Variants in REXO1 observed in about 807,000 individuals in gnomAD.
The protein encoded by REXO1 is REX1, RNA exonuclease 1 homolog.
Under a neutral mutation model 102.6 loss-of-function variants are expected in REXO1, and 42 were observed. The ratio of observed to expected loss-of-function variants is 0.41; its 90% confidence interval spans 0.32 to 0.53. The LOEUF (loss-of-function observed/expected upper bound fraction) is 0.53. REXO1 is among the 20% of genes least tolerant of loss of function. The pLI, the probability that REXO1 is intolerant of heterozygous loss-of-function variation, is 0.27. For synonymous variants in REXO1, 908 were observed against 779.1 expected (o/e 1.17, Z -2.76); for missense variants, 1,819 against 1,732.5 (o/e 1.05, Z -0.89).
chr19:1,844,640 A>G (rs1468122133), intron 1 of REXO1, among the ~76,000 whole-genome samples: 3 of 152,112 alleles, frequency 2.0e-5, no homozygotes, highest in Admixed American at 2.0e-4. Flanking sequence ...AGTCGCCTGG[A>G]GCCCCAGCTG....
intron 1 of REXO1, among the ~76,000 whole-genome samples, chr19:1,830,290 T>G (rs1181234052): frequency 6.6e-6 from 1 of 152,174 alleles, no homozygotes; most frequent in Non-Finnish European, 1.5e-5. Flanking sequence ...GGGAGGATAC[T>G]GCTTGAGCTC....
At position 1,815,872 on chromosome 19, in the gene REXO1, G is replaced by T; in HGVS notation, c.*194C>A. On this transcript the variant is annotated 3_prime_UTR_variant, in exon 16 of 16. Coordinates refer to ENST00000170168, the MANE Select transcript of REXO1 (RefSeq NM_020695.4). The surrounding 1 kb of genome is among the most constrained non-coding windows in gnomAD (Gnocchi z 4.0). ...GGCTGGGGGGCAGAGGGTGGGGACCGGCGGAGGGGTGCGGCAGGACGTGAG... is the reference window on the plus strand; with the variant it reads ...GGCTGGGGGGCAGAGGGTGGGGACCTGCGGAGGGGTGCGGCAGGACGTGAG... 2 of 1,524,784 alleles carry T rather than the reference G, an allele frequency of 1.3e-6. No homozygotes were observed. The highest frequency in any genetic ancestry group is 1.8e-6 in the Non-Finnish European group (2 of 1,139,534). The allele number at this position is 1,524,784 out of a possible 1,614,324, so 94.5% of individuals were successfully genotyped here.
chr19:1,821,432 G>A lies in REXO1; in HGVS notation c.2394+87C>T, dbSNP rs149035792. The stretch of plus-strand genomic sequence containing the variant: ...GCACGAAGGCCCGCAGGGCAGGGGC[G>A]AGGCTGGCCCTCCGCAGGTCCCATG... On this transcript the variant is annotated intron_variant, in intron 5 of 15. Coordinates refer to ENST00000170168, the MANE Select transcript of REXO1 (RefSeq NM_020695.4). 8.7e-3 allele frequency: 13,197 copies of A among 1,522,576 alleles called. 110 individuals are homozygous for A. Among genetic ancestry groups the A allele is most frequent in the Middle Eastern group, 0.029 (166 of 5,740 alleles). The allele number at this position is 1,522,576 out of a possible 1,614,324, so 94.3% of individuals were successfully genotyped here.
At chr19:1,824,780 C>A (rs1434657546) in intron 3 of REXO1, among the ~76,000 whole-genome samples, 2 of 95,006 alleles carry the variant, frequency 2.1e-5, no homozygotes, top group Admixed American at 2.3e-4. Context: ...GAATGGATAA[C>A]TCATTTTATG....
intron 4 of REXO1, chr19:1,822,302 G>A (rs2069570038): frequency 6.0e-6 from 1 of 167,230 alleles, no homozygotes; most frequent in Non-Finnish European, 1.3e-5. Flanking sequence ...TCTGGCCCTG[G>A]AAGGTGCAAG....
rs547960870 is a variant in REXO1 at position 1,838,239 on chromosome 19, C to T, written c.158-9608G>A. On this transcript the variant is annotated intron_variant, in intron 1 of 15. Transcript: ENST00000170168. Reference sequence around the variant, plus strand: ...GGCTGAGGCAGGAGAATTGCTTGAACCCGGAAGGTGGAGTCTGCAGTGAGC... The same window carrying T: ...GGCTGAGGCAGGAGAATTGCTTGAATCCGGAAGGTGGAGTCTGCAGTGAGC... Among the ~76,000 whole-genome samples the T allele has an allele frequency of 4.6e-5, 7 of 151,722 alleles. No homozygotes were observed. The South Asian group carries it at 1.0e-3, about 23-fold the overall frequency.
Position 1,823,646 on chromosome 19 carries a change from G to A in REXO1, c.2156C>T (p.Ser719Leu), listed in dbSNP as rs781536581. ...AGGGGCGGAAATGTGGACGGAGGGCGACTTCTCTGCCAGCCTGGCGGGGGC... is the reference window on the plus strand; with the variant it reads ...AGGGGCGGAAATGTGGACGGAGGGCAACTTCTCTGCCAGCCTGGCGGGGGC... ...LQAPARLAEK[S>L]PSVHISAPGE... Residue 719 changes from serine (S) to leucine (L), a missense_variant, in exon 4 of 16, where the codon TCG becomes TTG. Coordinates refer to ENST00000170168, the MANE Select transcript of REXO1 (RefSeq NM_020695.4). The A allele has an allele frequency of 1.8e-5, 23 of 1,304,066 alleles. No individual in the cohort carries two copies. In the South Asian group the frequency reaches 2.3e-4, roughly 13 times the overall value. The allele number at this position is 1,304,066 out of a possible 1,614,324, so 80.8% of individuals were successfully genotyped here. A position where few individuals can be genotyped will look rare whatever the true frequency, so the allele number is the denominator to read the frequency against.
intron 1 of REXO1, among the ~76,000 whole-genome samples, chr19:1,838,851 C>T (rs977225612): frequency 2.6e-5 from 4 of 152,112 alleles, no homozygotes; most frequent in Non-Finnish European, 5.9e-5. Flanking sequence ...GGCACGGTAG[C>T]TCACGCCTGT....
chr19:1,839,843 C>G (rs2011209288), intron 1 of REXO1, among the ~76,000 whole-genome samples: 1 of 152,216 alleles, frequency 6.6e-6, no homozygotes, highest in Non-Finnish European at 1.5e-5. Context: ...CATGGTGGAG[C>G]CCTCACCTCA....
intron 10 of REXO1, 38 bp from the exon 11 acceptor site, chr19:1,817,818 G>C (rs1206001791): frequency 6.4e-7 from 1 of 1,570,700 alleles, no homozygotes; most frequent in Non-Finnish European, 8.7e-7. Flanking sequence ...GGCCCGGCCA[G>C]GCCCACTCCA....
At chr19:1,838,046 G>T (rs557285330) in intron 1 of REXO1, among the ~76,000 whole-genome samples, 1 of 152,282 alleles carries the variant, frequency 6.6e-6, no homozygotes, top group South Asian at 2.1e-4. Flanking sequence ...AGTAGCTCAC[G>T]GCTCTAATCC....
intron 1 of REXO1, among the ~76,000 whole-genome samples, chr19:1,837,831 A>T (rs1324203832): frequency 6.6e-6 from 1 of 152,184 alleles, no homozygotes; most frequent in Non-Finnish European, 1.5e-5. Context: ...GAGAAAAAGA[A>T]AAAGGTCCCG....
chr19:1,828,287 T>C lies in REXO1; in HGVS notation c.502A>G (p.Thr168Ala). The change falls in exon 2 of 16, where the codon ACC becomes GCC. Residue 168 changes from threonine (T) to alanine (A), a missense_variant. Transcript: ENST00000170168. Reference sequence around the variant, plus strand: ...GGCTCGGCAGGGGCGGCCAGTGGGGTGGGCTGGTAGCCGGCATCAGGGCTT... The same window carrying C: ...GGCTCGGCAGGGGCGGCCAGTGGGGCGGGCTGGTAGCCGGCATCAGGGCTT... ...LLSPDAGYQP[T>A]PLAAPAEPGS... 2 of 1,604,608 alleles carry C rather than the reference T, an allele frequency of 1.2e-6. No homozygotes were observed. Among genetic ancestry groups the C allele is most frequent in the Non-Finnish European group, 8.5e-7 (1 of 1,175,882 alleles).
chr19:1,819,010 G>C lies in REXO1; in HGVS notation c.2764+8C>G. ...GCACCGTGTGGCAGAGCAGGGGCAG[G>C]GCCTTACCTTTCAGGTCCTCCACCC... On this transcript the variant is annotated splice_region_variant and intron_variant, in intron 8 of 15. Transcript: ENST00000170168. The C allele has an allele frequency of 6.3e-7, 1 of 1,597,936 alleles. No individual in the cohort carries two copies. The highest frequency in any genetic ancestry group is 8.5e-7 in the Non-Finnish European group (1 of 1,171,088).
At chr19:1,817,469 G>A (rs1160478523) in intron 11 of REXO1, 140 bp from the exon 12 acceptor site, 30 of 1,478,016 alleles carry the variant, frequency 2.0e-5, no homozygotes, top group Non-Finnish European at 2.3e-5. Context: ...CTGGTGAGCA[G>A]GTGGGGAAGG....
At chr19:1,816,197 C>CG in intron 15 of REXO1, 28 bp downstream of exon 15, 2 of 1,569,768 alleles carry the variant, frequency 1.3e-6, no homozygotes, top group Non-Finnish European at 1.7e-6. Context: ...TGCGCAGGGA[C>CG]GGCCCCAGGG....
In REXO1 at chr19:1,833,040, G is replaced by A. The variant is rs186062704; in HGVS notation, c.158-4409C>T. Among the ~76,000 whole-genome samples the A allele has an allele frequency of 4.3e-3, 647 of 151,972 alleles. 4 individuals carry two copies. The highest frequency in any genetic ancestry group is 0.015 in the African/African-American group (622 of 41,426). The stretch of plus-strand genomic sequence containing the variant: ...AGTTCAAGACCAGCCTAGGCAACAC[G>A]GCGAGACCCCGTCTCTACAAAAAAA... On this transcript the variant is annotated intron_variant, in intron 1 of 15. Transcript: ENST00000170168.
At position 1,827,372 on chromosome 19, in the gene REXO1, G is replaced by A. The variant is rs747763982; in HGVS notation, c.1417C>T (p.Pro473Ser). 38 of 1,531,916 alleles carry A rather than the reference G, an allele frequency of 2.5e-5. No homozygotes were observed. In the Admixed American group the frequency reaches 7.5e-4, roughly 30 times the overall value. 94.9% of individuals were successfully genotyped at this position (1,531,916 alleles called of 1,614,324 possible). A position where few individuals can be genotyped will look rare whatever the true frequency, so the allele number is the denominator to read the frequency against. ...GDSRPAAGRG[P>S]PRPLQLPDRK... ...TCGGGCAGCTGGAGGGGGCGGGGTG[G>A]GCCTCTGCCGGCCGCCGGTCGGGAG... The change falls in exon 2 of 16, where the codon CCA (proline) becomes TCA (serine). Residue 473 changes from proline (P) to serine (S), a missense_variant. Physicochemically the swap from Pro to Ser is moderately conservative, Grantham distance 74. Coordinates refer to ENST00000170168, the MANE Select transcript of REXO1 (RefSeq NM_020695.4).
Position 1,816,362 on chromosome 19 carries a change from A to G in REXO1, c.3457-17T>C, listed in dbSNP as rs1424665798. The G allele has an allele frequency of 5.0e-6, 8 of 1,590,290 alleles. No homozygotes were observed. Among genetic ancestry groups the G allele is most frequent in the East Asian group, 2.3e-5 (1 of 43,814 alleles). ...GTGGATGACCTGTGGGCAGCGGCAGAGATCAGCGCACGTGGGGCCTGCGCA... is the reference window on the plus strand; with the variant it reads ...GTGGATGACCTGTGGGCAGCGGCAGGGATCAGCGCACGTGGGGCCTGCGCA... On this transcript the variant is annotated splice_polypyrimidine_tract_variant and intron_variant, in intron 14 of 15. Transcript: ENST00000170168.
Sources: gnomAD v4.1 joint callset for allele counts (sites outside exome capture counted in the v4.1 genomes callset) on GRCh38, gnomAD v4.1.1 for gene constraint, Gnocchi (gnomAD v3.1) non-coding constraint, MANE v1.5 for transcripts, NCBI Gene and HGNC (gene_info 2026-07-23, HGNC 2026-07-21) for gene names.